The following MUC12 variants were observed in gnomAD, a reference collection of about 807,000 sequenced individuals.
MUC12 encodes the protein mucin 12, cell surface associated, also known as mucin-12.
Under a neutral mutation model 230.8 loss-of-function variants are expected in MUC12, and 172 were observed. The observed-to-expected ratio is 0.75, with a 90% CI of 0.66 to 0.85. MUC12 has a LOEUF of 0.85. MUC12 is among the 40% of genes least tolerant of loss of function. The pLI, the probability that MUC12 is intolerant of heterozygous loss-of-function variation, is 0.00. For missense variants in MUC12, 3,506 were observed against 5,920.6 expected, an observed-to-expected ratio of 0.59 and a Z score of 13.38; for synonymous variants, 1,259 against 2,401.9, an observed-to-expected ratio of 0.52 and a Z score of 13.91.
chr7:101,004,664 C>G lies in MUC12; in HGVS notation c.14101C>G (p.His4701Asp), dbSNP rs373274545. The change falls in exon 2 of 12, where the codon CAT becomes GAT. Residue 4701 changes from histidine to aspartate, a missense_variant. His to Asp is a moderately conservative substitution (Grantham distance 81, BLOSUM62 -1). Coordinates refer to ENST00000536621, the MANE Select transcript of MUC12 (RefSeq NM_001164462.2). Reference sequence around the variant, plus strand: ...AAATGGAATCACACCCTTACCTGCCCATTTTACTACCTCAGGCCGCATTGC... The same window carrying G: ...AAATGGAATCACACCCTTACCTGCCGATTTTACTACCTCAGGCCGCATTGC... ...DTNGITPLPA[H>D]FTTSGRIAES... The G allele has an allele frequency of 2.6e-6, 4 of 1,537,300 alleles. No homozygotes were observed. Among genetic ancestry groups the G allele is most frequent in the African/African-American group, 2.7e-5 (2 of 72,994 alleles).
intron 11 of MUC12, 82 bp from the exon 12 acceptor site, chr7:101,018,513 C>G: frequency 1.4e-6 from 2 of 1,436,574 alleles, no homozygotes; most frequent in Non-Finnish European, 9.5e-7. Context: ...CCCTCCTCCC[C>G]GCCAGGGCTC....
At position 100,994,220 on chromosome 7, in the gene MUC12, C is replaced by T. The variant is rs1793410397; in HGVS notation, c.3657C>T (p.Gly1219=). The T allele has an allele frequency of 9.5e-7, 1 of 1,057,816 alleles. No individual in the cohort carries two copies. Among genetic ancestry groups the T allele is most frequent in the African/African-American group, 2.4e-5 (1 of 41,356 alleles). The allele number at this position is 1,057,816 out of a possible 1,614,324, so 65.5% of individuals were successfully genotyped here. The stretch of plus-strand genomic sequence containing the variant: ...CTGAAGAATCTACAGCCTTCCCCGG[C>T]AGCCCAGCCTCCACCCAAACAGGGT... The part of the protein sequence containing the change: ...GLTEESTAFP[G]SPASTQTGLP... Residue 1219 remains glycine (G), a synonymous_variant, in exon 2 of 12, where the codon GGC becomes GGT. Transcript: ENST00000536621.
intron 1 of MUC12, among the ~76,000 whole-genome samples, chr7:100,987,263 C>T (rs1306893102): frequency 2.0e-5 from 3 of 151,978 alleles, no homozygotes; most frequent in Admixed American, 1.3e-4. Flanking sequence ...GATGGGGTTT[C>T]ACCATATTGG....
intron 3 of MUC12, among the ~76,000 whole-genome samples, chr7:101,007,696 A>T (rs1793776401): frequency 6.6e-6 from 1 of 152,240 alleles, no homozygotes; most frequent in Non-Finnish European, 1.5e-5. Context: ...TATTGTGAAC[A>T]GCAACAAACA....
chr7:100,991,828 C>G lies in MUC12; in HGVS notation c.1265C>G (p.Thr422Arg), dbSNP rs565869464. Residue 422 changes from threonine (T) to arginine (R), a missense_variant, in exon 2 of 12, where the codon ACA (threonine) becomes AGA (arginine). Transcript: ENST00000536621. ...AGCAGCCTGGGCTCAACTGAAACAA[C>G]ACACTTCCGTGATAGCTCCACAATC... Reference protein sequence around the residue: ...YHSSLGSTETTHFRDSSTISG... With the variant: ...YHSSLGSTETRHFRDSSTISG... 8.5e-6 allele frequency: 13 copies of G among 1,537,714 alleles called. No individual in the cohort carries two copies. The East Asian group carries it at 3.2e-4, about 38-fold the overall frequency.
chr7:100,996,204 T>TCAC lies in MUC12; in HGVS notation c.5643_5645dup (p.Pro1882dup). On this transcript the variant is annotated inframe_insertion, in exon 2 of 12. Transcript: ENST00000536621. Reference sequence around the variant, plus strand: ...AGTTCTTCTTGGAGAATCTACGACCTCACCCATCAGTTCAGGCTCAATGGA... The same window carrying TCAC: ...AGTTCTTCTTGGAGAATCTACGACCTCACCACCCATCAGTTCAGGCTCAATGGA... The TCAC allele has an allele frequency of 7.4e-7, 1 of 1,350,930 alleles. No homozygotes were observed. The highest frequency in any genetic ancestry group is 1.0e-6 in the Non-Finnish European group (1 of 996,060). The allele number at this position is 1,350,930 out of a possible 1,614,324, so 83.7% of individuals were successfully genotyped here. A position where few individuals can be genotyped will look rare whatever the true frequency, so the allele number is the denominator to read the frequency against.
At chr7:101,008,524 C>T in intron 3 of MUC12, 110 bp from the exon 4 acceptor site, 3 of 1,394,710 alleles carry the variant, frequency 2.2e-6, no homozygotes, top group East Asian at 2.5e-5. Flanking sequence ...CCCCACCTTC[C>T]TCTTAAGTTT....
Position 101,012,495 on chromosome 7 carries a change from G to C in MUC12, c.15403+48G>C, listed in dbSNP as rs935783843. On this transcript the variant is annotated intron_variant, in intron 6 of 11. Transcript: ENST00000536621. ...GACACCTGTGGGTGTCTTGGAGATC[G>C]TGACCTTGACCTCTCCCTCCTCTAC... 2.6e-6 allele frequency: 4 copies of C among 1,518,498 alleles called. No homozygotes were observed. The African/African-American group carries it at 4.1e-5, about 16-fold the overall frequency. 94.1% of individuals were successfully genotyped at this position (1,518,498 alleles called of 1,614,324 possible).
Position 100,993,906 on chromosome 7 carries a change from C to T in MUC12, c.3343C>T (p.Leu1115Phe). The part of the protein sequence containing the change: ...YSSPRSPTTT[L>F]SPASMTSLGV... ...CAGCCCCAGATCACCAACCACAACA[C>T]TCTCACCTGCCAGCATGACAAGCCT... The change falls in exon 2 of 12, where the codon CTC becomes TTC. Residue 1115 changes from leucine (L) to phenylalanine (F), a missense_variant. Physicochemically the swap from Leu to Phe is conservative, Grantham distance 22 (BLOSUM62 0). Coordinates refer to ENST00000536621, the MANE Select transcript of MUC12 (RefSeq NM_001164462.2). 6.7e-7 allele frequency: 1 copy of T among 1,492,438 alleles called. No individual in the cohort carries two copies. The highest frequency in any genetic ancestry group is 1.6e-5 in the African/African-American group (1 of 62,702). The allele number at this position is 1,492,438 out of a possible 1,614,324, so 92.4% of individuals were successfully genotyped here.
chr7:101,012,709 G>T, intron 6 of MUC12, 110 bp from the exon 7 acceptor site: 1 of 1,253,818 alleles, frequency 8.0e-7, no homozygotes, highest in African/African-American at 1.5e-5. Flanking sequence ...AGACTCCCAC[G>T]GGCATTGGCC....
chr7:100,995,735 A>G lies in MUC12; in HGVS notation c.5172A>G (p.Pro1724=), dbSNP rs1177435446. The G allele has an allele frequency of 3.3e-6, 5 of 1,534,542 alleles. No homozygotes were observed. The highest frequency in any genetic ancestry group is 4.4e-6 in the Non-Finnish European group (5 of 1,146,224). The change falls in exon 2 of 12, where the codon CCA becomes CCG. Residue 1724 remains proline (P), a synonymous_variant. Transcript: ENST00000536621. The part of the protein sequence containing the change: ...TTSHGSPSST[P]TTHFSASSTT... ...CCCACGGCAGCCCGAGCTCAACTCC[A>G]ACAACCCACTTTTCTGCCAGCTCCA...
chr7:100,995,670 C>G lies in MUC12; in HGVS notation c.5107C>G (p.Pro1703Ala). 2.6e-6 allele frequency: 4 copies of G among 1,537,226 alleles called. No individual in the cohort carries two copies. The highest frequency in any genetic ancestry group is 1.7e-6 in the Non-Finnish European group (2 of 1,147,066). The change falls in exon 2 of 12, where the codon CCT (proline) becomes GCT (alanine). Residue 1703 changes from proline (P) to alanine (A), a missense_variant. Physicochemically the swap from Pro to Ala is conservative, Grantham distance 27 (BLOSUM62 -1). Coordinates refer to ENST00000536621, the MANE Select transcript of MUC12 (RefSeq NM_001164462.2). ...CTCAAAGGACACTATGCCTGCACCTCCTACTACCACATCAGCCTTTGTTGA... is the reference window on the plus strand; with the variant it reads ...CTCAAAGGACACTATGCCTGCACCTGCTACTACCACATCAGCCTTTGTTGA... ...PSSKDTMPAPPTTTSAFVELS... is the reference protein window; with the variant it reads ...PSSKDTMPAPATTTSAFVELS...
chr7:101,012,275 T>A (rs997454355), intron 5 of MUC12, 21 bp from the exon 6 acceptor site: 3 of 1,536,498 alleles, frequency 2.0e-6, no homozygotes, highest in South Asian at 1.2e-5. Context: ...GGGTAACTGA[T>A]GAAACGATTC....
chr7:100,973,030 A>G, intron 1 of MUC12: 1 of 700,432 alleles, frequency 1.4e-6, no homozygotes, highest in Admixed American at 2.0e-5. Context: ...TGCTGGGGAG[A>G]GTGTGGTGGT....
In MUC12 at chr7:100,991,916, C is replaced by G. The variant is rs769161862; in HGVS notation, c.1353C>G (p.Val451=). 2.6e-6 allele frequency: 4 copies of G among 1,537,332 alleles called. No individual in the cohort carries two copies. Among genetic ancestry groups the G allele is most frequent in the Middle Eastern group, 1.7e-4 (1 of 5,994 alleles). The part of the protein sequence containing the change: ...HSSPDAMATT[V]LPAGSTPSVL... ...GCCCAGATGCAATGGCAACAACAGT[C>G]TTACCTGCCGGCTCTACACCCTCAG... The change falls in exon 2 of 12, where the codon GTC becomes GTG. Residue 451 remains valine (V), a synonymous_variant. Coordinates refer to ENST00000536621, the MANE Select transcript of MUC12 (RefSeq NM_001164462.2).
At chr7:100,970,810 A>G (rs2116247926) in intron 1 of MUC12, among the ~76,000 whole-genome samples, 1 of 152,248 alleles carries the variant, frequency 6.6e-6, no homozygotes, top group South Asian at 2.1e-4. Flanking sequence ...ATCCTGGCTA[A>G]CACGGTGAAA....
intron 3 of MUC12, among the ~76,000 whole-genome samples, chr7:101,007,587 C>G (rs1793774668): frequency 6.6e-6 from 1 of 152,190 alleles, no homozygotes; most frequent in Non-Finnish European, 1.5e-5. Context: ...GGATCTCATT[C>G]TTTTTGATGG....
Position 101,005,470 on chromosome 7 carries a change from C to T in MUC12, c.14907C>T (p.Ser4969=). The T allele has an allele frequency of 6.5e-7, 1 of 1,537,750 alleles. No individual in the cohort carries two copies. Among genetic ancestry groups the T allele is most frequent in the East Asian group, 2.4e-5 (1 of 40,924 alleles). The change falls in exon 2 of 12, where the codon AGC becomes AGT. Residue 4969 remains serine, a synonymous_variant. Coordinates refer to ENST00000536621, the MANE Select transcript of MUC12 (RefSeq NM_001164462.2). ...EESTTFHTSP[S]FTSTIVSTES... ...CTACCACCTTCCACACCAGTCCAAG[C>T]TTCACTTCTACAATTGTGTCTACTG...
chr7:100,972,231 G>T, intron 1 of MUC12: 1 of 702,450 alleles, frequency 1.4e-6, no homozygotes. Context: ...TCAGAGAGAG[G>T]ATGAGTGATT....
Sources: gnomAD v4.1 joint callset for allele counts (sites outside exome capture counted in the v4.1 genomes callset) on GRCh38, gnomAD v4.1.1 for gene constraint, MANE v1.5 for transcripts, NCBI Gene and HGNC (gene_info 2026-07-23, HGNC 2026-07-21) for gene names.